ZNF143: variants seen among roughly 807,000 people sequenced by gnomAD.
The protein encoded by ZNF143 is SPH-binding factor.
A neutral mutation model predicts 74.1 loss-of-function variants in ZNF143; 49 were observed. That is an observed-to-expected ratio of 0.66 (90% confidence interval 0.53 to 0.84). The LOEUF (loss-of-function observed/expected upper bound fraction) is 0.84. Among genes scored for constraint, ZNF143 ranks in the 40% least tolerant of loss-of-function variants. The pLI, the probability that ZNF143 is intolerant of heterozygous loss-of-function variation, is 0.00. For missense variants in ZNF143, 637 were observed against 793.4 expected (o/e 0.80, Z 2.37); for synonymous variants, 304 against 282.8 (o/e 1.07, Z -0.75).
intron 1 of ZNF143, among the ~76,000 whole-genome samples, chr11:9,464,086 TTGTGTGTGTG>T (rs144501900): frequency 9.7e-5 from 12 of 124,126 alleles, no homozygotes; most frequent in South Asian, 2.8e-4. Flanking sequence ...GTGTGTGTGT[TTGTGTGTGTG>T]TGTGTGTGTG....
intron 3 of ZNF143, 68 bp downstream of exon 3, chr11:9,472,837 G>C (rs1020210392): frequency 1.3e-5 from 15 of 1,180,208 alleles, no homozygotes; most frequent in Non-Finnish European, 1.7e-5. Flanking sequence ...GGAGCACCTA[G>C]AAGCTATACC....
At position 9,473,981 on chromosome 11, in the gene ZNF143, T is replaced by C. The variant is rs761860121; in HGVS notation, c.246T>C (p.Asp82=). Residue 82 remains aspartate (D), a synonymous_variant, in exon 4 of 16, where the codon GAT becomes GAC. Coordinates refer to ENST00000396602, the MANE Select transcript of ZNF143 (RefSeq NM_003442.6). ...ATGGCCAGGTCATTCAGTTGGAAGA[T>C]GGTTCTGCGGCCTATGTTCAACATG... ...LIDGQVIQLE[D]GSAAYVQHVP... 4 of 1,614,134 alleles carry C rather than the reference T, an allele frequency of 2.5e-6. No individual in the cohort carries two copies. The highest frequency in any genetic ancestry group is 2.2e-5 in the East Asian group (1 of 44,878).
At chr11:9,472,630 G>T (rs1373292747) in intron 2 of ZNF143, 47 bp from the exon 3 acceptor site, 2 of 1,468,800 alleles carry the variant, frequency 1.4e-6, no homozygotes, top group Middle Eastern at 1.8e-4. Context: ...TAATCAGCAT[G>T]TCCATATGCT....
intron 4 of ZNF143, among the ~76,000 whole-genome samples, 160 bp downstream of exon 4, chr11:9,474,184 C>G (rs966590766): frequency 2.0e-5 from 3 of 152,174 alleles, no homozygotes; most frequent in South Asian, 2.1e-4. Context: ...TTAACCAAGA[C>G]TTTCTCGTAA....
chr11:9,508,941 G>T (rs1050105397), intron 12 of ZNF143, 95 bp downstream of exon 12: 6 of 1,259,158 alleles, frequency 4.8e-6, no homozygotes, highest in Non-Finnish European at 6.7e-6. Context: ...AAATCCTAAT[G>T]TGTCATTCGT....
chr11:9,474,688 G>A (rs1249825058), intron 5 of ZNF143, 55 bp downstream of exon 5: 5 of 1,499,556 alleles, frequency 3.3e-6, no homozygotes, highest in Non-Finnish European at 3.7e-6. Flanking sequence ...AGTGGTGGGG[G>A]AAAGAAGACC....
intron 14 of ZNF143, among the ~76,000 whole-genome samples, chr11:9,520,535 G>A (rs1031003769): frequency 1.3e-5 from 2 of 151,958 alleles, no homozygotes; most frequent in African/African-American, 2.4e-5. Flanking sequence ...GCTCATGCCT[G>A]TAATCCCAGG....
At chr11:9,472,621 A>T (rs918940224) in intron 2 of ZNF143, 56 bp from the exon 3 acceptor site, 2 of 1,438,006 alleles carry the variant, frequency 1.4e-6, no homozygotes, top group East Asian at 2.3e-5. Context: ...AAAAAAAATT[A>T]ATCAGCATGT....
In ZNF143 at chr11:9,508,756, A is replaced by G; in HGVS notation, c.1285A>G (p.Ile429Val). 1 of 1,613,518 alleles carries G rather than the reference A, an allele frequency of 6.2e-7. No homozygotes were observed. Among genetic ancestry groups the G allele is most frequent in the Non-Finnish European group, 8.5e-7 (1 of 1,179,722 alleles). The change falls in exon 12 of 16, where the codon ATC (isoleucine) becomes GTC (valine). Residue 429 changes from isoleucine to valine, a missense_variant. Physicochemically the swap from Ile to Val is conservative, Grantham distance 29. This residue lies in a region of ZNF143 where 344 missense variants were observed against 485.6 expected (regional missense o/e 0.71). Coordinates refer to ENST00000396602, the MANE Select transcript of ZNF143 (RefSeq NM_003442.6). ...CNHCGKTYKQ[I>V]STLAMHKRTA... Reference sequence around the variant, plus strand: ...CCACTGTGGGAAGACATACAAGCAGATCTCCACGCTGGCCATGCACAAACG... The same window carrying G: ...CCACTGTGGGAAGACATACAAGCAGGTCTCCACGCTGGCCATGCACAAACG...
At chr11:9,515,000 T>G (rs1423816834) in intron 13 of ZNF143, among the ~76,000 whole-genome samples, 1 of 152,112 alleles carries the variant, frequency 6.6e-6, no homozygotes, top group Admixed American at 6.5e-5. Context: ...TGGTGGTGCA[T>G]GCCTGTAATC....
chr11:9,467,940 G>A (rs911054108), intron 1 of ZNF143, among the ~76,000 whole-genome samples: 9 of 151,014 alleles, frequency 6.0e-5, no homozygotes, highest in Non-Finnish European at 1.2e-4. Flanking sequence ...CCTATGTCAC[G>A]ATGAGCAATT....
At chr11:9,469,186 C>G (rs1346481243) in intron 1 of ZNF143, among the ~76,000 whole-genome samples, 2 of 146,488 alleles carry the variant, frequency 1.4e-5, no homozygotes, top group Non-Finnish European at 3.0e-5. Context: ...TGAAAATTAG[C>G]CTATGCTAAT....
intron 14 of ZNF143, among the ~76,000 whole-genome samples, chr11:9,520,164 G>T (rs1848868136): frequency 6.8e-6 from 1 of 148,122 alleles, no homozygotes; most frequent in Admixed American, 7.0e-5. Flanking sequence ...GGCCTCCTTA[G>T]TAGCAGGATT....
At position 9,470,946 on chromosome 11, in the gene ZNF143, G is replaced by A. The variant is rs527436760; in HGVS notation, c.-7-356G>A. On this transcript the variant is annotated intron_variant, in intron 1 of 15. Transcript: ENST00000396602. ...TTCGGGGTAGATTTCTGAAGATTAA[G>A]TCAACAAAATATGCTGACACATTGT... Among the ~76,000 whole-genome samples the A allele has an allele frequency of 9.2e-5, 14 of 152,140 alleles. No homozygotes were observed. The South Asian group carries it at 2.9e-3, about 32-fold the overall frequency.
chr11:9,504,812 C>A lies in ZNF143; in HGVS notation c.1147+3542C>A, dbSNP rs1169619557. Among the ~76,000 whole-genome samples the A allele has an allele frequency of 1.8e-5, 2 of 114,262 alleles. 1 individual carries two copies. Among genetic ancestry groups the A allele is most frequent in the African/African-American group, 5.5e-5 (2 of 36,326 alleles). 75.0% of individuals were successfully genotyped at this position (114,262 alleles called of 152,430 possible). A position where few individuals can be genotyped will look rare whatever the true frequency, so the allele number is the denominator to read the frequency against. On this transcript the variant is annotated intron_variant, in intron 11 of 15. Coordinates refer to ENST00000396602, the MANE Select transcript of ZNF143 (RefSeq NM_003442.6). The stretch of plus-strand genomic sequence containing the variant: ...GCCTCAGCCTCCTGAGTAGCTGGGA[C>A]TACAGGCACCTGCCACCACGCCCAG...
chr11:9,493,138 C>T (rs1047214502), intron 7 of ZNF143, among the ~76,000 whole-genome samples: 2 of 148,752 alleles, frequency 1.3e-5, no homozygotes, highest in East Asian at 2.0e-4. Flanking sequence ...GGCATGATCT[C>T]GGCTCTCTGT....
chr11:9,482,229 C>T lies in ZNF143; in HGVS notation c.645+2683C>T, dbSNP rs1457849514. On this transcript the variant is annotated intron_variant, in intron 7 of 15. Coordinates refer to ENST00000396602, the MANE Select transcript of ZNF143 (RefSeq NM_003442.6). ...TCATGATCTGCCTGCCTTGGCTTCC[C>T]AAAGTGCTGGGATTACAGGCGTGAG... Among the ~76,000 whole-genome samples the T allele has an allele frequency of 2.4e-4, 35 of 147,328 alleles. 1 individual carries two copies. Among genetic ancestry groups the T allele is most frequent in the African/African-American group, 8.7e-4 (34 of 39,118 alleles).
intron 13 of ZNF143, among the ~76,000 whole-genome samples, chr11:9,515,465 C>T (rs1263713472): frequency 7.3e-5 from 11 of 151,314 alleles, no homozygotes; most frequent in East Asian, 2.0e-4. Flanking sequence ...TTGTCTAACA[C>T]GGTGAAACCT....
intron 12 of ZNF143, among the ~76,000 whole-genome samples, chr11:9,511,194 C>T (rs1235658783): frequency 1.6e-5 from 2 of 126,626 alleles, no homozygotes; most frequent in Non-Finnish European, 3.6e-5. Context: ...CACCACAAGC[C>T]CTGCCTCCCG....
Sources: gnomAD v4.1 joint callset for allele counts (sites outside exome capture counted in the v4.1 genomes callset) on GRCh38, gnomAD v4.1.1 for gene constraint, gnomAD v4.1.1 regional missense constraint, MANE v1.5 for transcripts, NCBI Gene and HGNC (gene_info 2026-07-23, HGNC 2026-07-21) for gene names.